HEMK2: variants seen among roughly 807,000 people sequenced by gnomAD.
The protein encoded by HEMK2 is methyltransferase HEMK2.
the HEMK2 span, among the ~76,000 whole-genome samples, chr21:28,857,454 C>A: frequency 0.11 from 16,546 of 151,834 alleles, 1,145 homozygotes; most frequent in South Asian, 0.17. Flanking sequence ...TTCTGTATAA[C>A]TTTTTTTTGC....
the HEMK2 span, among the ~76,000 whole-genome samples, chr21:28,728,199 A>C: frequency 2.0e-5 from 3 of 152,258 alleles, no homozygotes; most frequent in African/African-American, 7.2e-5. Flanking sequence ...TTTACAAATT[A>C]ACTATGTAGA....
At chr21:28,832,436 A>G in the HEMK2 span, among the ~76,000 whole-genome samples, 2 of 152,248 alleles carry the variant, frequency 1.3e-5, no homozygotes, top group Non-Finnish European at 2.9e-5. Flanking sequence ...ATTAGTAATA[A>G]GAGCCGGAAG....
At chr21:28,760,958 C>G in the HEMK2 span, among the ~76,000 whole-genome samples, 2 of 152,032 alleles carry the variant, frequency 1.3e-5, no homozygotes, top group African/African-American at 4.8e-5. Flanking sequence ...TGTCATAGAT[C>G]TATTCATTTA....
chr21:28,607,985 C>CATG, the HEMK2 span, among the ~76,000 whole-genome samples: 1 of 152,136 alleles, frequency 6.6e-6, no homozygotes, highest in African/African-American at 2.4e-5. Context: ...TTTTGAACAA[C>CATG]TTTGCCCCAT....
chr21:28,853,423 T>C, the HEMK2 span, among the ~76,000 whole-genome samples: 2 of 152,202 alleles, frequency 1.3e-5, no homozygotes, highest in African/African-American at 4.8e-5. Flanking sequence ...TCCACAATTA[T>C]CCCACACCCT....
At chr21:28,657,409 A>G in the HEMK2 span, among the ~76,000 whole-genome samples, 1 of 152,120 alleles carries the variant, frequency 6.6e-6, no homozygotes, top group African/African-American at 2.4e-5. Flanking sequence ...GAGTGACTTC[A>G]GAGAGGAATT....
the HEMK2 span, among the ~76,000 whole-genome samples, chr21:28,778,504 C>T: frequency 2.7e-3 from 417 of 152,274 alleles, 2 homozygotes; most frequent in African/African-American, 9.4e-3. Flanking sequence ...TAAGAGACTA[C>T]GAAACTTCTT....
chr21:28,852,169 G>A, the HEMK2 span, among the ~76,000 whole-genome samples: 1 of 152,182 alleles, frequency 6.6e-6, no homozygotes, highest in Non-Finnish European at 1.5e-5. Context: ...CCAGGGATGA[G>A]ATATTGTTTT....
chr21:28,693,499 A>C, the HEMK2 span, among the ~76,000 whole-genome samples: 22 of 152,126 alleles, frequency 1.4e-4, no homozygotes, highest in African/African-American at 5.3e-4. Flanking sequence ...AGAATGAGGA[A>C]TTTTTCAGGT....
At chr21:28,834,505 C>T in the HEMK2 span, among the ~76,000 whole-genome samples, 1 of 152,318 alleles carries the variant, frequency 6.6e-6, no homozygotes, top group East Asian at 1.9e-4. Context: ...GCTCTGGGAA[C>T]TCACTGGCTC....
At chr21:28,751,701 C>T in the HEMK2 span, among the ~76,000 whole-genome samples, 1 of 152,192 alleles carries the variant, frequency 6.6e-6, no homozygotes, top group African/African-American at 2.4e-5. Context: ...GTTTTTGAGA[C>T]AGAGTTTTGC....
At chr21:28,721,260 C>T in the HEMK2 span, among the ~76,000 whole-genome samples, 2 of 152,106 alleles carry the variant, frequency 1.3e-5, no homozygotes, top group African/African-American at 4.8e-5. Flanking sequence ...GGACTACAGG[C>T]ATGCACCACC....
chr21:28,824,129 G>A, the HEMK2 span, among the ~76,000 whole-genome samples: 3 of 152,168 alleles, frequency 2.0e-5, no homozygotes, highest in African/African-American at 7.2e-5. Context: ...GACCACCAAT[G>A]ACCTAGTACC....
chr21:28,829,265 G>C, the HEMK2 span, among the ~76,000 whole-genome samples: 1 of 152,152 alleles, frequency 6.6e-6, no homozygotes, highest in African/African-American at 2.4e-5. Flanking sequence ...TTGCCCCTTG[G>C]TATCTGCTAA....
the HEMK2 span, among the ~76,000 whole-genome samples, chr21:28,665,334 CTTTTTTTTTT>C: frequency 2.7e-5 from 1 of 36,680 alleles, no homozygotes; most frequent in African/African-American, 1.3e-4. Flanking sequence ...ATTTATATTT[CTTTTTTTTTT>C]TTTTTTTTTT....
chr21:28,625,638 G>A, the HEMK2 span, among the ~76,000 whole-genome samples: 1 of 152,072 alleles, frequency 6.6e-6, no homozygotes, highest in Non-Finnish European at 1.5e-5. Flanking sequence ...TTGAATCCAG[G>A]AGGTGGAGGT....
chr21:28,854,265 A>C, the HEMK2 span, among the ~76,000 whole-genome samples: 1 of 152,204 alleles, frequency 6.6e-6, no homozygotes, highest in Non-Finnish European at 1.5e-5. Flanking sequence ...TTTATTTTGC[A>C]TAACTTTCTA....
At chr21:28,757,131 G>C in the HEMK2 span, among the ~76,000 whole-genome samples, 2 of 152,060 alleles carry the variant, frequency 1.3e-5, no homozygotes, top group Non-Finnish European at 1.5e-5. Flanking sequence ...ACAGTATTAG[G>C]AATATCAAAT....
the HEMK2 span, among the ~76,000 whole-genome samples, chr21:28,682,602 C>T: frequency 1.5e-3 from 234 of 152,152 alleles, 1 homozygote; most frequent in African/African-American, 5.4e-3. Context: ...CACATGCACA[C>T]GTATATTTAT....
Sources: gnomAD v4.1 joint callset for allele counts (sites outside exome capture counted in the v4.1 genomes callset) on GRCh38, gnomAD v4.1.1 for gene constraint, MANE v1.5 for transcripts, NCBI Gene and HGNC (gene_info 2026-07-23, HGNC 2026-07-21) for gene names.